PRKCB: variants seen among roughly 807,000 people sequenced by gnomAD.
PRKCB encodes protein kinase C beta, also known as protein kinase C beta type.
In PRKCB, 13 loss-of-function variants were observed where a neutral mutation model predicts 81.5. That is an observed-to-expected ratio of 0.16 (90% CI 0.10 to 0.25). The LOEUF (loss-of-function observed/expected upper bound fraction) is 0.25. Ranked by LOEUF, PRKCB falls within the 10% of genes least tolerant of loss-of-function variation. The pLI, the probability that PRKCB is intolerant of heterozygous loss-of-function variation, is 1.00. For synonymous variants in PRKCB, 335 were observed against 321.4 expected (o/e 1.04, Z -0.45); for missense variants, 509 against 875.7 (o/e 0.58, Z 5.29).
intron 2 of PRKCB, among the ~76,000 whole-genome samples, chr16:23,939,732 T>C (rs985857796): frequency 3.9e-4 from 60 of 152,156 alleles, no homozygotes; most frequent in Non-Finnish European, 7.9e-4. Context: ...AAATGTAAAA[T>C]ATAAAACTAT....
At chr16:24,072,544 C>T (rs117961707) in intron 5 of PRKCB, among the ~76,000 whole-genome samples, 13,553 of 152,044 alleles carry the variant, frequency 0.089, 838 homozygotes, top group Admixed American at 0.15. Context: ...GCCACCACAA[C>T]CAGCCAATCT....
At chr16:24,133,288 G>C (rs1234251900) in intron 9 of PRKCB, among the ~76,000 whole-genome samples, 1 of 152,198 alleles carries the variant, frequency 6.6e-6, no homozygotes, top group Non-Finnish European at 1.5e-5. Context: ...CCTAGTGATG[G>C]AGGGCTCTGG....
At chr16:23,839,588 T>A (rs946301600) in intron 2 of PRKCB, among the ~76,000 whole-genome samples, 1 of 150,384 alleles carries the variant, frequency 6.6e-6, no homozygotes, top group Non-Finnish European at 1.5e-5. Flanking sequence ...GTCTATTTTT[T>A]AAATTGCCTT....
intron 2 of PRKCB, among the ~76,000 whole-genome samples, chr16:23,869,969 CCGAGAT>C (rs898679829): frequency 6.6e-6 from 1 of 151,780 alleles, no homozygotes; most frequent in African/African-American, 2.4e-5. Context: ...TTGCGGTGAG[CCGAGAT>C]CGCGCCATTG....
intron 5 of PRKCB, among the ~76,000 whole-genome samples, chr16:24,080,491 AG>A (rs1966236047): frequency 6.6e-6 from 1 of 152,148 alleles, no homozygotes; most frequent in African/African-American, 2.4e-5. Context: ...TGGCATTGAA[AG>A]ACAGGGAGGA....
chr16:24,075,070 G>C (rs1002237756), intron 5 of PRKCB, among the ~76,000 whole-genome samples: 1 of 148,988 alleles, frequency 6.7e-6, no homozygotes, highest in Non-Finnish European at 1.5e-5. Flanking sequence ...AGTGAGTCAT[G>C]ATTGCACCAC....
Position 24,215,718 on chromosome 16 carries a change from A to T in PRKCB, c.*902A>T. 1 of 985,700 alleles carries T rather than the reference A, an allele frequency of 1.0e-6. No homozygotes were observed. Among genetic ancestry groups the T allele is most frequent in the Non-Finnish European group, 1.2e-6 (1 of 829,762 alleles). 61.1% of individuals were successfully genotyped at this position (985,700 alleles called of 1,614,324 possible). ...TTAAAATATGTATTCAAATGTTATT[A>T]ACCACAATGACGACCTGCTTTGATT... On this transcript the variant is annotated 3_prime_UTR_variant, in exon 17 of 17. Coordinates refer to ENST00000643927, the MANE Select transcript of PRKCB (RefSeq NM_002738.7).
At chr16:23,886,568 A>G (rs1338794146) in intron 2 of PRKCB, among the ~76,000 whole-genome samples, 2 of 151,224 alleles carry the variant, frequency 1.3e-5, no homozygotes, top group Non-Finnish European at 2.9e-5. Context: ...ACGCACCACC[A>G]CGCCTGACTA....
rs1476967431 is a variant in PRKCB at position 23,847,462 on chromosome 16, AT to A, written c.205+10057del. 2.1e-4 allele frequency among the ~76,000 whole-genome samples: 32 copies of A among 149,844 alleles called. 1 individual carries two copies. Among genetic ancestry groups the A allele is most frequent in the South Asian group, 2.1e-3 (10 of 4,754 alleles). ...CATCCATCCATCCATCCATCCATCC[AT>A]CCATCCATCCATCCACCCAGCTATT... On this transcript the variant is annotated intron_variant, in intron 2 of 16. Transcript: ENST00000643927.
At chr16:23,967,011 C>CTT (rs1468696542) in intron 2 of PRKCB, among the ~76,000 whole-genome samples, 3 of 115,832 alleles carry the variant, frequency 2.6e-5, no homozygotes, top group African/African-American at 1.0e-4. Context: ...CAGTGGTTTC[C>CTT]ATTTTTTTTT....
chr16:23,895,912 T>C (rs1172912269), intron 2 of PRKCB, among the ~76,000 whole-genome samples: 1 of 152,246 alleles, frequency 6.6e-6, no homozygotes, highest in Non-Finnish European at 1.5e-5. Context: ...ATTTTATTTG[T>C]CTGATAATTA....
chr16:24,077,487 CTCCA>C (rs71154273), intron 5 of PRKCB, among the ~76,000 whole-genome samples: 21,536 of 149,618 alleles, frequency 0.14, 1,817 homozygotes, highest in East Asian at 0.26. Flanking sequence ...GCATTCATCT[CTCCA>C]TCCATCCATC....
chr16:24,065,668 C>A (rs1052675144), intron 5 of PRKCB, among the ~76,000 whole-genome samples: 1 of 152,036 alleles, frequency 6.6e-6, no homozygotes, highest in Admixed American at 6.6e-5. Flanking sequence ...CTCTAAAGAA[C>A]GTCTTTTATT....
intron 9 of PRKCB, among the ~76,000 whole-genome samples, chr16:24,154,327 TA>T (rs1967122605): frequency 6.6e-6 from 1 of 151,890 alleles, no homozygotes; most frequent in Admixed American, 6.6e-5. Flanking sequence ...AAATAAAAAA[TA>T]AAAAAATTAG....
At chr16:24,005,773 G>A (rs1267231040) in intron 3 of PRKCB, among the ~76,000 whole-genome samples, 1 of 152,172 alleles carries the variant, frequency 6.6e-6, no homozygotes, top group Non-Finnish European at 1.5e-5. Context: ...CAGGGCAAAG[G>A]CTCGCTTCCT....
chr16:24,148,893 T>C (rs1021800894), intron 9 of PRKCB, among the ~76,000 whole-genome samples: 6 of 152,204 alleles, frequency 3.9e-5, no homozygotes, highest in Non-Finnish European at 7.3e-5. Flanking sequence ...AAGAGGGACT[T>C]GATAAATCTG....
At chr16:24,177,163 G>A (rs1360118318) in intron 12 of PRKCB, among the ~76,000 whole-genome samples, 1 of 152,214 alleles carries the variant, frequency 6.6e-6, no homozygotes, top group East Asian at 1.9e-4. Flanking sequence ...TAGGAAACAG[G>A]AGAGGAAATA....
intron 10 of PRKCB, among the ~76,000 whole-genome samples, chr16:24,170,868 G>A (rs1967431311): frequency 6.6e-6 from 1 of 152,224 alleles, no homozygotes; most frequent in Non-Finnish European, 1.5e-5. Context: ...GGCTTACACA[G>A]CCAACAAGGG....
chr16:24,077,792 C>G (rs1320628906), intron 5 of PRKCB, among the ~76,000 whole-genome samples: 2 of 152,208 alleles, frequency 1.3e-5, no homozygotes, highest in Non-Finnish European at 2.9e-5. Context: ...GCCCTTTTCC[C>G]TGACTGTCTG....
Sources: gnomAD v4.1 joint callset for allele counts (sites outside exome capture counted in the v4.1 genomes callset) on GRCh38, gnomAD v4.1.1 for gene constraint, MANE v1.5 for transcripts, NCBI Gene and HGNC (gene_info 2026-07-23, HGNC 2026-07-21) for gene names.